The following ZBTB8A variants were observed in gnomAD, a reference collection of about 807,000 sequenced individuals.
ZBTB8A encodes zinc finger and BTB domain-containing protein 8A.
Under a neutral mutation model 37.8 loss-of-function variants are expected in ZBTB8A, and 19 were observed. The observed-to-expected ratio is 0.50, with a 90% CI of 0.35 to 0.74. ZBTB8A has a LOEUF of 0.74. ZBTB8A is among the 30% of genes least tolerant of loss of function. The pLI is 0.01. For synonymous variants in ZBTB8A, 181 were observed against 185.2 expected, an observed-to-expected ratio of 0.98 and a Z score of 0.19; for missense variants, 394 against 537.8, an observed-to-expected ratio of 0.73 and a Z score of 2.65.
chr1:32,551,806 C>G (rs1327392962), intron 1 of ZBTB8A, among the ~76,000 whole-genome samples: 1 of 152,206 alleles, frequency 6.6e-6, no homozygotes, highest in Admixed American at 6.5e-5. Context: ...TTCCTGGCTT[C>G]AGGTGACCTT....
chr1:32,577,413 G>A (rs1411449640), intron 2 of ZBTB8A, among the ~76,000 whole-genome samples: 1 of 150,976 alleles, frequency 6.6e-6, no homozygotes, highest in East Asian at 1.9e-4. Context: ...GCCTTCCAAA[G>A]TGCTGGGATT....
At position 32,585,051 on chromosome 1, in the gene ZBTB8A, A is replaced by C. The variant is rs1326651810; in HGVS notation, c.-1-7880A>C. Among the ~76,000 whole-genome samples, 66 of 84,634 alleles carry C rather than the reference A, an allele frequency of 7.8e-4. 1 individual carries two copies. The highest frequency in any genetic ancestry group is 3.0e-3 in the African/African-American group (63 of 21,266). 55.5% of individuals were successfully genotyped at this position (84,634 alleles called of 152,430 possible). A position where few individuals can be genotyped will look rare whatever the true frequency, so the allele number is the denominator to read the frequency against. On this transcript the variant is annotated intron_variant, in intron 2 of 4. Transcript: ENST00000373510. ...TCTTTTTTTTTTTTTTTTTTTTTTG[A>C]GAAGGGTCTTGCTCTGAGGCTCAGG...
intron 2 of ZBTB8A, among the ~76,000 whole-genome samples, chr1:32,580,014 A>C (rs1401307518): frequency 2.6e-5 from 4 of 152,298 alleles, no homozygotes; most frequent in South Asian, 4.1e-4. Flanking sequence ...ACAATGTTAA[A>C]TAATAGTATT....
chr1:32,546,315 G>C (rs574109201), intron 1 of ZBTB8A, among the ~76,000 whole-genome samples: 1 of 151,968 alleles, frequency 6.6e-6, no homozygotes, highest in East Asian at 1.9e-4. Flanking sequence ...GTGGTGGTGC[G>C]TGCCTGTAAT....
Position 32,595,178 on chromosome 1 carries a change from A to G in ZBTB8A, c.948A>G (p.Gly316=). 1.2e-6 allele frequency: 2 copies of G among 1,614,216 alleles called. No individual in the cohort carries two copies. The highest frequency in any genetic ancestry group is 1.7e-6 in the Non-Finnish European group (2 of 1,180,026). ...GERPYPCQAC[G]KRFSRLDHLS... is the part of the protein sequence containing the mutation. ...GGCCCTATCCATGTCAAGCTTGTGG[A>G]AAAAGATTTAGCAGGCTAGACCATC... The change falls in exon 4 of 5, where the codon GGA becomes GGG. Residue 316 remains glycine, a synonymous_variant. Transcript: ENST00000373510.
chr1:32,562,420 C>A (rs1270157276), intron 2 of ZBTB8A, among the ~76,000 whole-genome samples: 1 of 151,506 alleles, frequency 6.6e-6, no homozygotes, highest in Non-Finnish European at 1.5e-5. Flanking sequence ...TACAAGGATG[C>A]GCCACCACGC....
At chr1:32,555,588 C>T (rs1284129022) in intron 2 of ZBTB8A, among the ~76,000 whole-genome samples, 1 of 152,182 alleles carries the variant, frequency 6.6e-6, no homozygotes, top group East Asian at 1.9e-4. Flanking sequence ...ACACTGGCAT[C>T]TTTTCCCCAT....
At chr1:32,548,357 CAG>C (rs1435578020) in intron 1 of ZBTB8A, among the ~76,000 whole-genome samples, 4 of 151,510 alleles carry the variant, frequency 2.6e-5, no homozygotes, top group Admixed American at 6.6e-5. Context: ...TGTTTTGAGA[CAG>C]AGTCTCACTC....
chr1:32,567,825 A>AAC (rs1553178098), intron 2 of ZBTB8A, among the ~76,000 whole-genome samples: 1 of 63,696 alleles, frequency 1.6e-5, no homozygotes, highest in East Asian at 5.5e-4. Flanking sequence ...AAAAAAAAAC[A>AAC]AAAACAAAAC....
intron 4 of ZBTB8A, among the ~76,000 whole-genome samples, chr1:32,599,166 T>A (rs1644554723): frequency 6.6e-6 from 1 of 151,904 alleles, no homozygotes; most frequent in Non-Finnish European, 1.5e-5. Context: ...TAACAAAAAA[T>A]TAATACACAA....
At chr1:32,597,818 C>G (rs772854545) in intron 4 of ZBTB8A, among the ~76,000 whole-genome samples, 1 of 152,148 alleles carries the variant, frequency 6.6e-6, no homozygotes, top group Non-Finnish European at 1.5e-5. Flanking sequence ...GGCACGATCT[C>G]AGCTTACCAC....
chr1:32,603,678 A>G lies in ZBTB8A; in HGVS notation c.*3259A>G, dbSNP rs1305361453. The G allele has an allele frequency of 6.6e-6, 1 of 152,642 alleles. No homozygotes were observed. Among genetic ancestry groups the G allele is most frequent in the Non-Finnish European group, 1.5e-5 (1 of 68,052 alleles). 9.5% of individuals were successfully genotyped at this position (152,642 alleles called of 1,614,324 possible). A position where few individuals can be genotyped will look rare whatever the true frequency, so the allele number is the denominator to read the frequency against. ...TTTATGCTATTATCTTCTGCATGCA[A>G]ACTTTACATACATCAGCATGAATAT... On this transcript the variant is annotated 3_prime_UTR_variant, in exon 5 of 5. Transcript: ENST00000373510.
intron 2 of ZBTB8A, among the ~76,000 whole-genome samples, chr1:32,580,215 A>C (rs1197051780): frequency 6.6e-6 from 1 of 152,144 alleles, no homozygotes; most frequent in Non-Finnish European, 1.5e-5. Flanking sequence ...TGGGCTACAA[A>C]GTGAGACTCC....
At chr1:32,588,787 C>T (rs1240362018) in intron 2 of ZBTB8A, among the ~76,000 whole-genome samples, 1 of 151,986 alleles carries the variant, frequency 6.6e-6, no homozygotes, top group East Asian at 1.9e-4. Context: ...AGTTCGAGAC[C>T]AGCCTGGCCA....
chr1:32,539,907 G>A (rs1644038012), intron 1 of ZBTB8A, among the ~76,000 whole-genome samples: 2 of 150,308 alleles, frequency 1.3e-5, no homozygotes, highest in Admixed American at 1.3e-4. Context: ...GTCGGGCGCC[G>A]CGGACTCTGG....
Position 32,603,715 on chromosome 1 carries a change from T to G in ZBTB8A, c.*3296T>G, listed in dbSNP as rs977853628. On this transcript the variant is annotated 3_prime_UTR_variant, in exon 5 of 5. Transcript: ENST00000373510. ...ATCAGCATGAATATCCAACATTCAC[T>G]GAACACAGTGCCACCAGCACTTGTA... 2.0e-5 allele frequency: 3 copies of G among 152,778 alleles called. No individual in the cohort carries two copies. The highest frequency in any genetic ancestry group is 7.2e-5 in the African/African-American group (3 of 41,588). 9.5% of individuals were successfully genotyped at this position (152,778 alleles called of 1,614,324 possible).
chr1:32,556,122 G>A (rs920269555), intron 2 of ZBTB8A, among the ~76,000 whole-genome samples: 2 of 151,890 alleles, frequency 1.3e-5, no homozygotes, highest in African/African-American at 4.8e-5. Context: ...CCCCCAGGCT[G>A]GAGTGCAGTA....
At chr1:32,548,869 AT>A (rs1644127768) in intron 1 of ZBTB8A, among the ~76,000 whole-genome samples, 1 of 152,142 alleles carries the variant, frequency 6.6e-6, no homozygotes, top group South Asian at 2.1e-4. Context: ...TTGTCCCTGT[AT>A]TAGTCCATGC....
intron 1 of ZBTB8A, among the ~76,000 whole-genome samples, chr1:32,547,828 C>CAAAAAAAAAAAACAAAAAAAAA (rs1644118553): frequency 3.3e-5 from 1 of 30,478 alleles, no homozygotes; most frequent in South Asian, 1.5e-3. Flanking sequence ...ACAAACAAAG[C>CAAAAAAAAAAAACAAAAAAAAA]AAAAAAAAAA....
Sources: gnomAD v4.1 joint callset for allele counts (sites outside exome capture counted in the v4.1 genomes callset) on GRCh38, gnomAD v4.1.1 for gene constraint, MANE v1.5 for transcripts, NCBI Gene and HGNC (gene_info 2026-07-23, HGNC 2026-07-21) for gene names.